The following CD55 variants were observed in gnomAD, a reference collection of about 807,000 sequenced individuals.
CD55 encodes the protein CD55 molecule (Cromer blood group).
A neutral mutation model predicts 45.8 loss-of-function variants in CD55; 41 were observed. The ratio of observed to expected loss-of-function variants is 0.90; its 90% CI spans 0.70 to 1.16. CD55 has a LOEUF of 1.16. CD55 is among the 50% of genes most tolerant of loss of function. CD55 has a pLI of 0.00. For missense variants in CD55, 416 were observed against 469.8 expected (o/e 0.89, Z 1.06); for synonymous variants, 181 against 181.1 (o/e 1.00, Z 0.01).
chr1:207,322,576 T>C lies in CD55; in HGVS notation c.286+9T>C. On this transcript the variant is annotated intron_variant, in intron 2 of 9. Coordinates refer to ENST00000367064, the MANE Select transcript of CD55 (RefSeq NM_000574.5). The stretch of plus-strand genomic sequence containing the variant: ...TGAAGAGTTCTGCAATCGTAAGTTC[T>C]TCATCTTTTTAGAAAAGTTCTGGGA... The C allele has an allele frequency of 6.3e-7, 1 of 1,587,626 alleles. No individual in the cohort carries two copies. The highest frequency in any genetic ancestry group is 1.4e-5 in the African/African-American group (1 of 73,384).
intron 9 of CD55, among the ~76,000 whole-genome samples, chr1:207,342,459 T>C (rs964180207): frequency 1.3e-5 from 2 of 152,168 alleles, no homozygotes; most frequent in Non-Finnish European, 2.9e-5. Flanking sequence ...ACCTTTATGA[T>C]GTTAATATGC....
chr1:207,354,741 A>T (rs1656012936), intron 9 of CD55, among the ~76,000 whole-genome samples: 1 of 152,142 alleles, frequency 6.6e-6, no homozygotes, highest in Non-Finnish European at 1.5e-5. Context: ...AATTTGGGAG[A>T]TAATATGCTC....
At chr1:207,335,314 GGTAT>G (rs1655120632) in intron 6 of CD55, among the ~76,000 whole-genome samples, 1 of 152,094 alleles carries the variant, frequency 6.6e-6, no homozygotes, top group Admixed American at 6.6e-5. Context: ...ACCGATGACA[GGTAT>G]GTTTTTTCAA....
intron 2 of CD55, 107 bp from the exon 3 acceptor site, chr1:207,324,452 C>T (rs920729254): frequency 2.2e-5 from 14 of 639,522 alleles, no homozygotes; most frequent in Non-Finnish European, 2.9e-5. Context: ...TAAATATGCG[C>T]AAAGCAGTAA....
At chr1:207,352,413 C>A (rs1352489506) in intron 9 of CD55, among the ~76,000 whole-genome samples, 1 of 152,004 alleles carries the variant, frequency 6.6e-6, no homozygotes, top group Non-Finnish European at 1.5e-5. Context: ...TAACTTTCAT[C>A]AGGTATCACC....
chr1:207,324,142 G>A (rs1213514561), intron 2 of CD55, among the ~76,000 whole-genome samples: 4 of 152,148 alleles, frequency 2.6e-5, no homozygotes, highest in Admixed American at 6.5e-5. Context: ...GAGTTTGTAC[G>A]TAAATAAATA....
intron 9 of CD55, among the ~76,000 whole-genome samples, chr1:207,357,433 C>T (rs28371647): frequency 0.021 from 3,181 of 152,090 alleles, 125 homozygotes; most frequent in African/African-American, 0.073. Flanking sequence ...CTTTCTTGTA[C>T]TTGTTCCAAC....
In CD55 at chr1:207,322,455, T is replaced by C. The variant is rs768043655; in HGVS notation, c.174T>C (p.Asp58=). 3 of 1,614,256 alleles carry C rather than the reference T, an allele frequency of 1.9e-6. No homozygotes were observed. Among genetic ancestry groups the C allele is most frequent in the South Asian group, 1.1e-5 (1 of 91,088 alleles). ...AAGGCCGTACAAGTTTTCCCGAGGA[T>C]ACTGTAATAACGTACAAATGTGAAG... ...ALEGRTSFPE[D]TVITYKCEES... is the part of the protein sequence containing the mutation. Residue 58 remains aspartate, a synonymous_variant, in exon 2 of 10, where the codon GAT becomes GAC. Coordinates refer to ENST00000367064, the MANE Select transcript of CD55 (RefSeq NM_000574.5).
At chr1:207,337,634 T>TA (rs995906717) in intron 8 of CD55, 49 of 376,888 alleles carry the variant, frequency 1.3e-4, no homozygotes, top group African/African-American at 9.9e-4. Context: ...GTGGCCCCAT[T>TA]AAAAAAATGC....
chr1:207,329,104 G>A (rs1654816187), intron 5 of CD55, among the ~76,000 whole-genome samples: 1 of 152,212 alleles, frequency 6.6e-6, no homozygotes, highest in Non-Finnish European at 1.5e-5. Flanking sequence ...ATGGACCAGT[G>A]GGAGGGACCC....
Position 207,322,886 on chromosome 1 carries a change from A to G in CD55, c.286+319A>G, listed in dbSNP as rs1618146. ...TGCCTTGAGACACATAGCGTAAATG[A>G]TATGTTTTCTTAAGTATTTTATAAA... On this transcript the variant is annotated intron_variant, in intron 2 of 9. Coordinates refer to ENST00000367064, the MANE Select transcript of CD55 (RefSeq NM_000574.5). Among the ~76,000 whole-genome samples, 919 of 152,184 alleles carry G rather than the reference A, an allele frequency of 6.0e-3. 11 individuals are homozygous for G. Among genetic ancestry groups the G allele is most frequent in the African/African-American group, 0.021 (868 of 41,550 alleles).
intron 9 of CD55, among the ~76,000 whole-genome samples, chr1:207,355,699 C>A (rs181202387): frequency 6.6e-6 from 1 of 152,252 alleles, no homozygotes; most frequent in East Asian, 1.9e-4. Context: ...AATGTCCTTC[C>A]CATTAACCAC....
In CD55 at chr1:207,324,281, T is replaced by A. The variant is rs1654564884; in HGVS notation, c.287-278T>A. Among the ~76,000 whole-genome samples, 4 of 151,996 alleles carry A rather than the reference T, an allele frequency of 2.6e-5. No individual in the cohort carries two copies. In the South Asian group the frequency reaches 6.2e-4, roughly 24 times the overall value. ...ACCAACATTTATTGAATGCCAGAAC[T>A]GGGCCAGGCAACTTAAATTTTTTTT... On this transcript the variant is annotated intron_variant, in intron 2 of 9. Transcript: ENST00000367064.
intron 6 of CD55, among the ~76,000 whole-genome samples, chr1:207,335,694 C>T (rs1655142317): frequency 6.6e-6 from 1 of 151,954 alleles, no homozygotes; most frequent in Non-Finnish European, 1.5e-5. Flanking sequence ...TCAATTTATC[C>T]CTTATAGCAG....
intron 6 of CD55, among the ~76,000 whole-genome samples, chr1:207,335,990 G>A (rs988103601): frequency 7.2e-5 from 11 of 152,114 alleles, no homozygotes; most frequent in Admixed American, 2.6e-4. Context: ...ATCAGGCTTC[G>A]GCACTACCCA....
chr1:207,340,581 A>T, intron 9 of CD55: 1 of 695,162 alleles, frequency 1.4e-6, no homozygotes, highest in Non-Finnish European at 2.6e-6. Context: ...TATGTTGCCC[A>T]GGCTGGTTTC....
At chr1:207,351,472 A>G (rs1268528906) in intron 9 of CD55, among the ~76,000 whole-genome samples, 1 of 152,116 alleles carries the variant, frequency 6.6e-6, no homozygotes, top group Non-Finnish European at 1.5e-5. Context: ...TTGTGTGGTT[A>G]TTTCCATCTC....
chr1:207,335,593 T>C (rs1360914570), intron 6 of CD55, among the ~76,000 whole-genome samples: 1 of 152,220 alleles, frequency 6.6e-6, no homozygotes, highest in Non-Finnish European at 1.5e-5. Context: ...GGTCTTAGAA[T>C]GAAAAGTTCA....
intron 9 of CD55, among the ~76,000 whole-genome samples, chr1:207,343,025 G>A (rs926296103): frequency 1.3e-5 from 2 of 151,966 alleles, no homozygotes; most frequent in Non-Finnish European, 2.9e-5. Flanking sequence ...TATTTCTGTG[G>A]TATCAGTTGT....
Sources: allele counts gnomAD v4.1 joint callset (sites outside exome capture counted in the v4.1 genomes callset), GRCh38; gene constraint gnomAD v4.1.1; transcripts MANE v1.5; gene names NCBI Gene and HGNC (gene_info 2026-07-23, HGNC 2026-07-21).